The following OTOL1 variants were observed in gnomAD, a reference collection of about 807,000 sequenced individuals.
The protein encoded by OTOL1 is otolin 1, also known as otolin-1.
A neutral mutation model predicts 25.0 loss-of-function variants in OTOL1; 31 were observed. The observed-to-expected ratio is 1.24, with a 90% CI of 0.93 to 1.67. The LOEUF is 1.67. OTOL1 is among the 40% of genes most tolerant of loss of function. OTOL1 has a pLI of 0.00. For missense variants in OTOL1, 654 were observed against 587.7 expected (o/e 1.11, Z -1.17); for synonymous variants, 225 against 210.3 (o/e 1.07, Z -0.61).
At position 161,497,025 on chromosome 3, in the gene OTOL1, C is replaced by A. The variant is rs758208110; in HGVS notation, c.218C>A (p.Ser73Ter). Residue 73 changes from serine (S) to a stop codon, truncating the protein, a stop_gained, in exon 1 of 4, where the codon TCG (serine) becomes TAG (stop). Coordinates refer to ENST00000327928, the MANE Select transcript of OTOL1 (RefSeq NM_001080440.1). LOFTEE classifies it high-confidence loss of function. Reference protein sequence around the residue: ...AEMAEPITKPSALDSVFGTAT... With the variant: ...AEMAEPITKP The stretch of plus-strand genomic sequence containing the variant: ...ATGGCAGAACCAATTACCAAACCCT[C>A]GGCCTTGGATTCTGTCTTTGGCACT... 1 of 1,613,558 alleles carries A rather than the reference C, an allele frequency of 6.2e-7. No individual in the cohort carries two copies. The highest frequency in any genetic ancestry group is 1.3e-5 in the African/African-American group (1 of 74,902).
rs1414169859 is a variant in OTOL1 at position 161,497,014 on chromosome 3, T to C, written c.207T>C (p.Ile69=). Residue 69 remains isoleucine, a synonymous_variant, in exon 1 of 4, where the codon ATT becomes ATC. Transcript: ENST00000327928. ...FTEMAEMAEP[I]TKPSALDSVF... ...AAATGGCTGAAATGGCAGAACCAATTACCAAACCCTCGGCCTTGGATTCTG... is the reference window on the plus strand; with the variant it reads ...AAATGGCTGAAATGGCAGAACCAATCACCAAACCCTCGGCCTTGGATTCTG... The C allele has an allele frequency of 1.2e-6, 2 of 1,613,640 alleles. No individual in the cohort carries two copies. Among genetic ancestry groups the C allele is most frequent in the Admixed American group, 1.7e-5 (1 of 59,962 alleles).
chr3:161,502,412 G>T (rs1718996827), intron 3 of OTOL1, 43 bp downstream of exon 3: 2 of 1,491,178 alleles, frequency 1.3e-6, no homozygotes, highest in Non-Finnish European at 1.9e-6. Flanking sequence ...CAGGTGCGCA[G>T]TATAGCCCTT....
intron 2 of OTOL1, 139 bp downstream of exon 2, chr3:161,499,399 G>T: frequency 1.5e-6 from 1 of 672,394 alleles, no homozygotes; most frequent in Non-Finnish European, 2.5e-6. Flanking sequence ...CATTATATTT[G>T]ATATAAATAT....
intron 3 of OTOL1, 33 bp downstream of exon 3, chr3:161,502,402 C>G (rs778034978): frequency 3.2e-6 from 5 of 1,552,868 alleles, no homozygotes; most frequent in South Asian, 2.3e-5. Flanking sequence ...TGTGTACAGT[C>G]AGGTGCGCAG....
chr3:161,502,709 G>C (rs1309101049), intron 3 of OTOL1, among the ~76,000 whole-genome samples: 3 of 152,030 alleles, frequency 2.0e-5, no homozygotes, highest in Admixed American at 6.6e-5. Flanking sequence ...AAATGCAAAG[G>C]GTAATGGAAT....
chr3:161,499,981 C>T lies in OTOL1; in HGVS notation c.454+721C>T, dbSNP rs115818729. Among the ~76,000 whole-genome samples, 271 of 152,208 alleles carry T rather than the reference C, an allele frequency of 1.8e-3. 1 individual carries two copies. The highest frequency in any genetic ancestry group is 6.2e-3 in the African/African-American group (256 of 41,534). On this transcript the variant is annotated intron_variant, in intron 2 of 3. Coordinates refer to ENST00000327928, the MANE Select transcript of OTOL1 (RefSeq NM_001080440.1). The stretch of plus-strand genomic sequence containing the variant: ...TATCAGTAAAGAAGGCTTTCTGCCC[C>T]AGGAAATCCCTGGTTCTGTAAGTGC...
intron 1 of OTOL1, 80 bp downstream of exon 1, chr3:161,497,251 C>T (rs1271975553): frequency 6.7e-6 from 10 of 1,488,210 alleles, no homozygotes; most frequent in Non-Finnish European, 9.0e-6. Flanking sequence ...TGAAATTGCC[C>T]CAGGAGTTTC....
chr3:161,499,248 A>G lies in OTOL1; in HGVS notation c.442A>G (p.Lys148Glu). The G allele has an allele frequency of 6.3e-7, 1 of 1,599,378 alleles. No individual in the cohort carries two copies. Among genetic ancestry groups the G allele is most frequent in the Non-Finnish European group, 8.5e-7 (1 of 1,174,800 alleles). Residue 148 changes from lysine (K) to glutamate (E), a missense_variant, in exon 2 of 4, where the codon AAA (lysine) becomes GAA (glutamate). By Grantham distance (56) the Lys-to-Glu change is moderately conservative. Transcript: ENST00000327928. The part of the protein sequence containing the change: ...VVGPQGPRGY[K>E]GEKGLKGERG... ...TGGGCCCCAAGGCCCTAGAGGCTAC[A>G]AAGGAGAGAAAGGTAGGTAATTCAT...
At position 161,503,699 on chromosome 3, in the gene OTOL1, G is replaced by A. The variant is rs377210938; in HGVS notation, c.1191G>A (p.Arg397=). 1.3e-4 allele frequency: 212 copies of A among 1,613,534 alleles called. No homozygotes were observed. The highest frequency in any genetic ancestry group is 1.7e-4 in the Non-Finnish European group (198 of 1,179,770). ...TTTTTTCCTACCATATTACGGTGAG[G>A]GGGCGACCTGCTCGAATCAGTCTGG... ...TYVFSYHITV[R]GRPARISLVA... is the part of the protein sequence containing the mutation. Residue 397 remains arginine, a synonymous_variant, in exon 4 of 4, where the codon AGG becomes AGA. Transcript: ENST00000327928.
At chr3:161,498,083 C>T (rs1247405767) in intron 1 of OTOL1, among the ~76,000 whole-genome samples, 2 of 152,018 alleles carry the variant, frequency 1.3e-5, no homozygotes, top group African/African-American at 2.4e-5. Context: ...GGAGATGGGC[C>T]GTAGCTTGGG....
chr3:161,501,793 G>A (rs1159303940), intron 2 of OTOL1, among the ~76,000 whole-genome samples: 1 of 152,154 alleles, frequency 6.6e-6, no homozygotes, highest in Admixed American at 6.5e-5. Context: ...GGGCAAAGAT[G>A]AATTCTGTTT....
intron 2 of OTOL1, among the ~76,000 whole-genome samples, chr3:161,499,495 C>T (rs1414111412): frequency 6.6e-6 from 1 of 152,192 alleles, no homozygotes; most frequent in Non-Finnish European, 1.5e-5. Context: ...GATTGTCACA[C>T]AGCTTTTCCA....
Position 161,497,098 on chromosome 3 carries a change from C to A in OTOL1, c.291C>A (p.Phe97Leu). ...ACTTCACTCTTGACCCAGCTGATTT[C>A]TTTTTGAATTGTTGTGATTGTTGTT... ...FENFTLDPAD[F>L]FLNCCDCCSP... The change falls in exon 1 of 4, where the codon TTC becomes TTA. Residue 97 changes from phenylalanine to leucine, a missense_variant. Physicochemically the swap from Phe to Leu is conservative, Grantham distance 22 (BLOSUM62 0). Coordinates refer to ENST00000327928, the MANE Select transcript of OTOL1 (RefSeq NM_001080440.1). 6.2e-7 allele frequency: 1 copy of A among 1,613,588 alleles called. No individual in the cohort carries two copies. The highest frequency in any genetic ancestry group is 8.5e-7 in the Non-Finnish European group (1 of 1,179,610).
rs1247164030 is a variant in OTOL1 at position 161,503,199 on chromosome 3, G to T, written c.691G>T (p.Glu231Ter). ...GGPGAKGEKGEMGEKGEMGDK... is the reference protein window; with the variant it reads ...GGPGAKGEKG Reference sequence around the variant, plus strand: ...GCCTGGCGCCAAGGGAGAGAAGGGGGAGATGGGGGAGAAGGGGGAGATGGG... The same window carrying T: ...GCCTGGCGCCAAGGGAGAGAAGGGGTAGATGGGGGAGAAGGGGGAGATGGG... The change falls in exon 4 of 4, where the codon GAG becomes TAG. Residue 231 changes from glutamate (E) to a stop codon, truncating the protein, a stop_gained. Coordinates refer to ENST00000327928, the MANE Select transcript of OTOL1 (RefSeq NM_001080440.1). LOFTEE classifies it low-confidence loss of function (END_TRUNC). The T allele has an allele frequency of 1.4e-5, 18 of 1,316,230 alleles. No homozygotes were observed. In the South Asian group the frequency reaches 2.5e-4, roughly 18 times the overall value. The allele number at this position is 1,316,230 out of a possible 1,614,324, so 81.5% of individuals were successfully genotyped here. A position where few individuals can be genotyped will look rare whatever the true frequency, so the allele number is the denominator to read the frequency against.
At chr3:161,499,387 C>A in intron 2 of OTOL1, 127 bp downstream of exon 2, 1 of 697,378 alleles carries the variant, frequency 1.4e-6, no homozygotes, top group Non-Finnish European at 2.4e-6. Context: ...CTTGATAAAG[C>A]ACATTATATT....
Position 161,499,185 on chromosome 3 carries a change from G to T in OTOL1, c.379G>T (p.Ala127Ser). 6.2e-7 allele frequency: 1 copy of T among 1,609,958 alleles called. No individual in the cohort carries two copies. The part of the protein sequence containing the change: ...ETGQPGPKGE[A>S]GNLGIPGPPG... The stretch of plus-strand genomic sequence containing the variant: ...CCCATTTCTAGGTCCTAAAGGAGAG[G>T]CTGGAAATTTGGGGATCCCAGGGCC... The change falls in exon 2 of 4, where the codon GCT becomes TCT. Residue 127 changes from alanine to serine, a missense_variant. Transcript: ENST00000327928.
At chr3:161,502,949 T>C in intron 3 of OTOL1, 77 bp from the exon 4 acceptor site, 2 of 1,154,776 alleles carry the variant, frequency 1.7e-6, no homozygotes, top group Non-Finnish European at 2.2e-6. Flanking sequence ...TGTTTCTACT[T>C]TTTTGAGCTC....
chr3:161,502,297 A>G lies in OTOL1; in HGVS notation c.455-10A>G. 1 of 1,610,106 alleles carries G rather than the reference A, an allele frequency of 6.2e-7. No homozygotes were observed. The highest frequency in any genetic ancestry group is 8.5e-7 in the Non-Finnish European group (1 of 1,177,190). Reference sequence around the variant, plus strand: ...TAGTTGGTAAAAAGTTAATCTTGGTATCATCTTAGGACTCAAAGGAGAACG... The same window carrying G: ...TAGTTGGTAAAAAGTTAATCTTGGTGTCATCTTAGGACTCAAAGGAGAACG... On this transcript the variant is annotated splice_polypyrimidine_tract_variant and intron_variant, in intron 2 of 3. Coordinates refer to ENST00000327928, the MANE Select transcript of OTOL1 (RefSeq NM_001080440.1).
At position 161,503,163 on chromosome 3, in the gene OTOL1, C is replaced by A; in HGVS notation, c.655C>A (p.Leu219Met). The change falls in exon 4 of 4, where the codon CTG becomes ATG. Residue 219 changes from leucine to methionine, a missense_variant. Transcript: ENST00000327928. ...CCAAGGGGCTATGGGCTCACCTGGC[C>A]TGCACGGAGGGCCTGGCGCCAAGGG... is the stretch of plus-strand genomic sequence containing the variant. ...GDQGAMGSPG[L>M]HGGPGAKGEK... 6.9e-7 allele frequency: 1 copy of A among 1,452,654 alleles called. No individual in the cohort carries two copies. 90.0% of individuals were successfully genotyped at this position (1,452,654 alleles called of 1,614,324 possible). A position where few individuals can be genotyped will look rare whatever the true frequency, so the allele number is the denominator to read the frequency against.
Sources: gnomAD v4.1 joint callset for allele counts (sites outside exome capture counted in the v4.1 genomes callset) on GRCh38, gnomAD v4.1.1 for gene constraint, MANE v1.5 for transcripts, NCBI Gene and HGNC (gene_info 2026-07-23, HGNC 2026-07-21) for gene names.